ZNF723: variants seen among roughly 807,000 people sequenced by gnomAD.
ZNF723 encodes the protein zinc finger protein 723, also known as zinc finger protein 723, pseudogene.
Under a neutral mutation model 9.4 loss-of-function variants are expected in ZNF723, and 5 were observed. The observed-to-expected ratio is 0.53, with a 90% CI of 0.28 to 1.12. The LOEUF is 1.12. Among genes scored for constraint, ZNF723 ranks in the 50% most tolerant of loss-of-function variants. ZNF723 has a pLI of 0.10. For synonymous variants in ZNF723, 158 were observed against 168.8 expected (o/e 0.94, Z 0.49); for missense variants, 450 against 501.5 (o/e 0.90, Z 0.98).
Position 22,848,775 on chromosome 19 carries a change from G to T in ZNF723, c.130+388G>T, listed in dbSNP as rs186968814. Among the ~76,000 whole-genome samples, 1,077 of 141,874 alleles carry T rather than the reference G, an allele frequency of 7.6e-3. 9 individuals are homozygous for T. Among genetic ancestry groups the T allele is most frequent in the African/African-American group, 0.026 (1,021 of 38,688 alleles). 93.1% of individuals were successfully genotyped at this position (141,874 alleles called of 152,430 possible). On this transcript the variant is annotated intron_variant, in intron 2 of 3. Transcript: ENST00000600766. Reference sequence around the variant, plus strand: ...TTTATTTATTTATTTATTTATTTATGAGATGGAATGTTGCTGTTGCCCAGG... The same window carrying T: ...TTTATTTATTTATTTATTTATTTATTAGATGGAATGTTGCTGTTGCCCAGG...
Position 22,858,464 on chromosome 19 carries a change from T to C in ZNF723, c.*31T>C. ...CTTTTTATGAAATCCCAAACTTTTT[T>C]AAACATAAAAGAAATGCTGGTGGCC... On this transcript the variant is annotated 3_prime_UTR_variant, in exon 4 of 4. Coordinates refer to ENST00000600766, the MANE Select transcript of ZNF723 (RefSeq NM_001349726.2). 1 of 640,474 alleles carries C rather than the reference T, an allele frequency of 1.6e-6. No homozygotes were observed. The highest frequency in any genetic ancestry group is 2.7e-6 in the Non-Finnish European group (1 of 373,588). 39.7% of individuals were successfully genotyped at this position (640,474 alleles called of 1,614,324 possible).
At position 22,858,028 on chromosome 19, in the gene ZNF723, A is replaced by T; in HGVS notation, c.1137A>T (p.Lys379Asn). The change falls in exon 4 of 4, where the codon AAA becomes AAT. Residue 379 changes from lysine (K) to asparagine (N), a missense_variant. Physicochemically the swap from Lys to Asn is moderately conservative, Grantham distance 94. Coordinates refer to ENST00000600766, the MANE Select transcript of ZNF723 (RefSeq NM_001349726.2). ...YKCEECGKAF[K>N]VSVHLTTHKR... ...GTGAAGAATGTGGCAAAGCTTTTAA[A>T]GTATCTGTACACCTTACTACACATA... 6.6e-7 allele frequency: 1 copy of T among 1,519,804 alleles called. No individual in the cohort carries two copies. Among genetic ancestry groups the T allele is most frequent in the African/African-American group, 1.4e-5 (1 of 69,400 alleles). The allele number at this position is 1,519,804 out of a possible 1,614,324, so 94.1% of individuals were successfully genotyped here.
chr19:22,828,524 G>A (rs904326250), upstream of ZNF723, among the ~76,000 whole-genome samples: 2 of 151,796 alleles, frequency 1.3e-5, no homozygotes, highest in East Asian at 2.0e-4. Flanking sequence ...TTGGTGGCGC[G>A]TGCCTGTAAT....
At chr19:22,818,833 G>T in the ZNF723 span, among the ~76,000 whole-genome samples, 1 of 152,156 alleles carries the variant, frequency 6.6e-6, no homozygotes, top group Non-Finnish European at 1.5e-5. Context: ...CCCAGGTTAT[G>T]AGACTCTTCT....
intron 1 of ZNF723, among the ~76,000 whole-genome samples, chr19:22,835,305 G>C (rs1432513703): frequency 1.3e-5 from 2 of 151,908 alleles, no homozygotes; most frequent in Non-Finnish European, 2.9e-5. Flanking sequence ...GCCTCCCAAA[G>C]TGTTGGGATT....
At chr19:22,826,746 A>G in the ZNF723 span, among the ~76,000 whole-genome samples, 1 of 152,212 alleles carries the variant, frequency 6.6e-6, no homozygotes, top group Non-Finnish European at 1.5e-5. Context: ...GGGTTCATTC[A>G]CAGTTTTCTA....
chr19:22,822,538 G>A, the ZNF723 span, among the ~76,000 whole-genome samples: 3 of 152,190 alleles, frequency 2.0e-5, no homozygotes, highest in Non-Finnish European at 4.4e-5. Flanking sequence ...GGTACAGAGA[G>A]TGTCATAACA....
At chr19:22,832,930 C>T (rs1296233990) in intron 1 of ZNF723, among the ~76,000 whole-genome samples, 1 of 152,166 alleles carries the variant, frequency 6.6e-6, no homozygotes, top group Non-Finnish European at 1.5e-5. Context: ...TAATCAGGCA[C>T]AGTTACGTAG....
At chr19:22,846,765 T>G (rs570876805) in intron 1 of ZNF723, among the ~76,000 whole-genome samples, 7 of 151,620 alleles carry the variant, frequency 4.6e-5, no homozygotes, top group Admixed American at 1.3e-4. Context: ...ATCTTGAATT[T>G]TGCATAAAAC....
intron 1 of ZNF723, among the ~76,000 whole-genome samples, chr19:22,833,649 G>A (rs977912629): frequency 4.6e-5 from 7 of 151,410 alleles, no homozygotes; most frequent in Middle Eastern, 3.4e-3. Flanking sequence ...TCACTCTGTT[G>A]CCCAGGCTGG....
At chr19:22,851,878 C>CT (rs1967401484) in intron 3 of ZNF723, among the ~76,000 whole-genome samples, 1 of 152,164 alleles carries the variant, frequency 6.6e-6, no homozygotes, top group African/African-American at 2.4e-5. Flanking sequence ...CTTCCGCCTC[C>CT]TGGGTTCAAG....
the ZNF723 span, among the ~76,000 whole-genome samples, chr19:22,821,758 C>T: frequency 3.3e-5 from 5 of 152,148 alleles, no homozygotes; most frequent in African/African-American, 4.8e-5. Flanking sequence ...AGATTTTGGA[C>T]AGTGGGTAGA....
At chr19:22,820,199 G>A in the ZNF723 span, among the ~76,000 whole-genome samples, 2 of 152,006 alleles carry the variant, frequency 1.3e-5, no homozygotes, top group African/African-American at 2.4e-5. Context: ...ATCTCTGCAC[G>A]TGTCACTTAA....
chr19:22,857,177 C>A lies in ZNF723; in HGVS notation c.286C>A (p.Gln96Lys). Residue 96 changes from glutamine (Q) to lysine (K), a missense_variant, in exon 4 of 4, where the codon CAA becomes AAA. Physicochemically the swap from Gln to Lys is moderately conservative, Grantham distance 53 (BLOSUM62 1). Around this residue, in one of 5 missense-constraint regions of ZNF723, gnomAD observed 143 missense variants for 101.3 expected, o/e 1.41. Transcript: ENST00000600766. Reference sequence around the variant, plus strand: ...AGAGCAGGGCATAAAAGATTCTTTCCAAAAAGTAATACTGAGAAGCTATGG... The same window carrying A: ...AGAGCAGGGCATAAAAGATTCTTTCAAAAAAGTAATACTGAGAAGCTATGG... ...WPEQGIKDSF[Q>K]KVILRSYGKY... The A allele has an allele frequency of 1.0e-6, 1 of 987,008 alleles. No homozygotes were observed. Among genetic ancestry groups the A allele is most frequent in the Non-Finnish European group, 1.5e-6 (1 of 648,792 alleles). 61.1% of individuals were successfully genotyped at this position (987,008 alleles called of 1,614,324 possible).
At chr19:22,851,836 G>C (rs371647709) in intron 3 of ZNF723, among the ~76,000 whole-genome samples, 143 of 152,234 alleles carry the variant, frequency 9.4e-4, no homozygotes, top group African/African-American at 3.3e-3. Flanking sequence ...GCCCAGGCTG[G>C]AGGGCAATGG....
At chr19:22,856,319 A>T (rs7256135) in intron 3 of ZNF723, among the ~76,000 whole-genome samples, 31,932 of 151,762 alleles carry the variant, frequency 0.21, 3,985 homozygotes, top group African/African-American at 0.35. Context: ...TGTTTTTTTG[A>T]TATTTCATAC....
intron 1 of ZNF723, among the ~76,000 whole-genome samples, chr19:22,842,240 G>A (rs1967256253): frequency 6.6e-6 from 1 of 152,126 alleles, no homozygotes; most frequent in African/African-American, 2.4e-5. Flanking sequence ...CTTGACCTCA[G>A]GTGATCGACC....
the ZNF723 span, among the ~76,000 whole-genome samples, chr19:22,812,881 C>T: frequency 6.6e-6 from 1 of 152,146 alleles, no homozygotes; most frequent in Non-Finnish European, 1.5e-5. Flanking sequence ...AAACTGAGGC[C>T]CTCGTAAACG....
At chr19:22,830,680 T>A (rs913023907), upstream of ZNF723, among the ~76,000 whole-genome samples, 2 of 152,212 alleles carry the variant, frequency 1.3e-5, no homozygotes, top group South Asian at 4.1e-4. Context: ...TTGGACAAGT[T>A]TCTTGATGTA....
Sources: gnomAD v4.1 joint callset for allele counts (sites outside exome capture counted in the v4.1 genomes callset) on GRCh38, gnomAD v4.1.1 for gene constraint, gnomAD v4.1.1 regional missense constraint, MANE v1.5 for transcripts, NCBI Gene and HGNC (gene_info 2026-07-23, HGNC 2026-07-21) for gene names.